The following TXLNA variants were observed in gnomAD, a reference collection of about 807,000 sequenced individuals.
The protein encoded by TXLNA is taxilin alpha.
A neutral mutation model predicts 61.4 loss-of-function variants in TXLNA; 9 were observed. That is an observed-to-expected ratio of 0.15 (90% CI 0.09 to 0.26). TXLNA has a LOEUF of 0.26. TXLNA is among the 10% of genes least tolerant of loss of function. The probability of loss-of-function intolerance (pLI) is 1.00; values close to 1 mark genes in which losing one functional copy is unlikely to be tolerated. For missense variants in TXLNA, 565 were observed against 688.8 expected, an observed-to-expected ratio of 0.82 and a Z score of 2.01; for synonymous variants, 257 against 267.7, an observed-to-expected ratio of 0.96 and a Z score of 0.39.
chr1:32,183,216 C>T (rs1194948922), intron 3 of TXLNA, among the ~76,000 whole-genome samples: 56 of 147,980 alleles, frequency 3.8e-4, no homozygotes, highest in East Asian at 1.7e-3. Flanking sequence ...CTCCGCCTCC[C>T]GGGTTCACAC....
In TXLNA at chr1:32,195,042, C is replaced by T; in HGVS notation, c.1488C>T (p.Leu496=). The T allele has an allele frequency of 6.2e-7, 1 of 1,614,168 alleles. No individual in the cohort carries two copies. The highest frequency in any genetic ancestry group is 1.3e-5 in the African/African-American group (1 of 75,060). The change falls in exon 11 of 11, where the codon CTC becomes CTT. Residue 496 remains leucine, a synonymous_variant. Transcript: ENST00000373610. ...QDLSAGGQGS[L]TDSGPERRPE... is the part of the protein sequence containing the mutation. ...TGAGTGCTGGTGGCCAGGGCTCCCTCACTGACAGTGGCCCTGAGAGGAGGC... is the reference window on the plus strand; with the variant it reads ...TGAGTGCTGGTGGCCAGGGCTCCCTTACTGACAGTGGCCCTGAGAGGAGGC...
At chr1:32,185,234 G>T (rs1642755369) in intron 4 of TXLNA, among the ~76,000 whole-genome samples, 1 of 152,108 alleles carries the variant, frequency 6.6e-6, no homozygotes, top group Non-Finnish European at 1.5e-5. Context: ...TGCAAAGCAT[G>T]CTCTTCCCAC....
intron 1 of TXLNA, 184 bp from the exon 2 acceptor site, chr1:32,180,130 A>G (rs1251227033): frequency 5.6e-6 from 3 of 537,118 alleles, no homozygotes; most frequent in Admixed American, 7.7e-5. Context: ...CTGCGCCCCG[A>G]AAGCCTGCCC....
chr1:32,194,815 G>C, intron 10 of TXLNA, 87 bp from the exon 11 acceptor site: 1 of 1,481,858 alleles, frequency 6.7e-7, no homozygotes. Flanking sequence ...TCTGCTCTCA[G>C]CCTTGTTAAA....
At chr1:32,193,085 T>G (rs1363344450) in intron 8 of TXLNA, 123 bp from the exon 9 acceptor site, 2 of 707,936 alleles carry the variant, frequency 2.8e-6, no homozygotes, top group Non-Finnish European at 5.0e-6. Flanking sequence ...TTGCTTTGTT[T>G]TAAGGAAAAA....
intron 1 of TXLNA, 58 bp from the exon 2 acceptor site, chr1:32,180,256 A>T (rs1298114510): frequency 1.4e-6 from 2 of 1,462,026 alleles, no homozygotes; most frequent in Non-Finnish European, 1.8e-6. Flanking sequence ...GGGATTTCTG[A>T]TCCAGGCTGC....
chr1:32,194,166 C>T lies in TXLNA; in HGVS notation c.1347+6C>T, dbSNP rs1642964683. ...TGCTTGAGATGGCTGAGGAGGTGGG[C>T]TGTCTGTGATCTGCAGCCAGGGTGG... On this transcript the variant is annotated splice_donor_region_variant and intron_variant, in intron 10 of 10. Coordinates refer to ENST00000373610, the MANE Select transcript of TXLNA (RefSeq NM_175852.4). 12 of 1,612,634 alleles carry T rather than the reference C, an allele frequency of 7.4e-6. No individual in the cohort carries two copies. The highest frequency in any genetic ancestry group is 9.3e-6 in the Non-Finnish European group (11 of 1,179,192).
intron 3 of TXLNA, among the ~76,000 whole-genome samples, chr1:32,184,251 C>T (rs1441598235): frequency 2.6e-5 from 4 of 152,092 alleles, no homozygotes; most frequent in Non-Finnish European, 5.9e-5. Flanking sequence ...TTTTCTCCTG[C>T]CAATGGTGCC....
Position 32,184,514 on chromosome 1 carries a change from G to A in TXLNA, c.506-11G>A, listed in dbSNP as rs186937394. 8 of 1,604,408 alleles carry A rather than the reference G, an allele frequency of 5.0e-6. No individual in the cohort carries two copies. The Admixed American group carries it at 1.3e-4, about 27-fold the overall frequency. ...GAAGAGGGTGCATGTCTTTGCTCCT[G>A]TGCTTTTCAGGGAAGGAGATCACGT... is the stretch of plus-strand genomic sequence containing the variant. On this transcript the variant is annotated splice_polypyrimidine_tract_variant and intron_variant, in intron 3 of 10. Coordinates refer to ENST00000373610, the MANE Select transcript of TXLNA (RefSeq NM_175852.4).
At position 32,192,196 on chromosome 1, in the gene TXLNA, C is replaced by T. The variant is rs1642920859; in HGVS notation, c.964-115C>T. 6.8e-7 allele frequency: 1 copy of T among 1,467,258 alleles called. No individual in the cohort carries two copies. Among genetic ancestry groups the T allele is most frequent in the Admixed American group, 1.9e-5 (1 of 51,986 alleles). The allele number at this position is 1,467,258 out of a possible 1,614,324, so 90.9% of individuals were successfully genotyped here. On this transcript the variant is annotated intron_variant, in intron 6 of 10. Coordinates refer to ENST00000373610, the MANE Select transcript of TXLNA (RefSeq NM_175852.4). The surrounding 1 kb of genome is among the most constrained non-coding windows in gnomAD (Gnocchi z 4.2). ...ATGTTGTGTGGTACACATGGGAGTC[C>T]ATCATATCAGATTGAGATGGGGGGC...
At position 32,194,118 on chromosome 1, in the gene TXLNA, G is replaced by A; in HGVS notation, c.1305G>A (p.Arg435=). 6.2e-7 allele frequency: 1 copy of A among 1,614,022 alleles called. No individual in the cohort carries two copies. Among genetic ancestry groups the A allele is most frequent in the Middle Eastern group, 1.6e-4 (1 of 6,062 alleles). ...AAGAAACCACCATGTACCGGTCCCG[G>A]TGGGAGAGCAGCAACAAGGCCCTGC... ...LEKETTMYRS[R]WESSNKALLE... Residue 435 remains arginine (R), a synonymous_variant, in exon 10 of 11, where the codon CGG becomes CGA. Coordinates refer to ENST00000373610, the MANE Select transcript of TXLNA (RefSeq NM_175852.4).
At position 32,190,243 on chromosome 1, in the gene TXLNA, C is replaced by G. The variant is rs149884843; in HGVS notation, c.957C>G (p.Arg319=). ...LKKLIEQYEL[R]EEHIDKVFKH... ...AGCTGATTGAGCAGTATGAGCTGCGCGAGGAGGTAAGGGTATCACGGACAG... is the reference window on the plus strand; with the variant it reads ...AGCTGATTGAGCAGTATGAGCTGCGGGAGGAGGTAAGGGTATCACGGACAG... The change falls in exon 6 of 11, where the codon CGC becomes CGG. Residue 319 remains arginine, a synonymous_variant. Transcript: ENST00000373610. 6.3e-7 allele frequency: 1 copy of G among 1,597,658 alleles called. No homozygotes were observed. Among genetic ancestry groups the G allele is most frequent in the Non-Finnish European group, 8.5e-7 (1 of 1,170,172 alleles).
rs1470156757 is a variant in TXLNA, at chr1:32,195,014, A to C, written c.1460A>C (p.Asp487Ala). 6.2e-7 allele frequency: 1 copy of C among 1,614,178 alleles called. No individual in the cohort carries two copies. Among genetic ancestry groups the C allele is most frequent in the East Asian group, 2.2e-5 (1 of 44,878 alleles). ...ERNDLNKRVQ[D>A]LSAGGQGSLT... ...AATGACCTGAACAAGAGGGTACAGG[A>C]CCTGAGTGCTGGTGGCCAGGGCTCC... Residue 487 changes from aspartate (D) to alanine (A), a missense_variant, in exon 11 of 11, where the codon GAC (aspartate) becomes GCC (alanine). Coordinates refer to ENST00000373610, the MANE Select transcript of TXLNA (RefSeq NM_175852.4).
At chr1:32,180,585 C>A in intron 2 of TXLNA, 71 bp downstream of exon 2, 1 of 1,494,598 alleles carries the variant, frequency 6.7e-7, no homozygotes. Flanking sequence ...TCTGGACTTA[C>A]AGGCCGAGGC....
Position 32,197,958 on chromosome 1 carries a change from C to G in TXLNA, c.*2763C>G, listed in dbSNP as rs1437230271. On this transcript the variant is annotated 3_prime_UTR_variant, in exon 11 of 11. Coordinates refer to ENST00000373610, the MANE Select transcript of TXLNA (RefSeq NM_175852.4). The surrounding 1 kb of genome is among the most constrained non-coding windows in gnomAD (Gnocchi z 4.6). Reference sequence around the variant, plus strand: ...CATCACGGTGGCCCTGAGGGCTGACCCGGAGGCCAGTGGAGCTGCCTGGTG... The same window carrying G: ...CATCACGGTGGCCCTGAGGGCTGACGCGGAGGCCAGTGGAGCTGCCTGGTG... The G allele has an allele frequency of 1.3e-5, 2 of 152,322 alleles. No homozygotes were observed. 9.4% of individuals were successfully genotyped at this position (152,322 alleles called of 1,614,324 possible).
intron 4 of TXLNA, among the ~76,000 whole-genome samples, 177 bp from the exon 5 acceptor site, chr1:32,187,777 A>C (rs1196482304): frequency 6.6e-6 from 1 of 152,056 alleles, no homozygotes; most frequent in African/African-American, 2.4e-5. Context: ...CTTTGGGGTT[A>C]TTGTGAGTTC....
At chr1:32,187,536 G>A (rs1453467074) in intron 4 of TXLNA, among the ~76,000 whole-genome samples, 1 of 152,162 alleles carries the variant, frequency 6.6e-6, no homozygotes, top group Non-Finnish European at 1.5e-5. Flanking sequence ...CAGCGCTAAC[G>A]TTTTGAAGGA....
At chr1:32,180,939 A>G (rs1557496973) in intron 2 of TXLNA, among the ~76,000 whole-genome samples, 1 of 152,214 alleles carries the variant, frequency 6.6e-6, no homozygotes, top group Non-Finnish European at 1.5e-5. Context: ...ACATACTTTT[A>G]TGATCTAACA....
chr1:32,189,050 TACATA>T (rs1159214736), intron 5 of TXLNA, among the ~76,000 whole-genome samples: 1 of 152,252 alleles, frequency 6.6e-6, no homozygotes, highest in African/African-American at 2.4e-5. Flanking sequence ...TTTTTCACTT[TACATA>T]ACATTTTTCC....
Sources: gnomAD v4.1 joint callset for allele counts (sites outside exome capture counted in the v4.1 genomes callset) on GRCh38, gnomAD v4.1.1 for gene constraint, Gnocchi (gnomAD v3.1) non-coding constraint, MANE v1.5 for transcripts, NCBI Gene and HGNC (gene_info 2026-07-23, HGNC 2026-07-21) for gene names.